Variants in LINGO2 observed in about 807,000 individuals in gnomAD.
LINGO2 encodes leucine rich repeat and Ig domain containing 2.
In LINGO2, 14 loss-of-function variants were observed where a neutral mutation model predicts 30.6. That is an observed-to-expected ratio of 0.46 (90% CI 0.30 to 0.72). The LOEUF is 0.72. Among genes scored for constraint, LINGO2 ranks in the 30% least tolerant of loss-of-function variants. LINGO2 has a pLI of 0.07. For synonymous variants in LINGO2, 317 were observed against 288.5 expected (o/e 1.10, Z -1.00); for missense variants, 729 against 751.7 (o/e 0.97, Z 0.35).
intron 1 of LINGO2, among the ~76,000 whole-genome samples, chr9:28,549,647 T>A (rs1822167466): frequency 6.6e-6 from 1 of 151,534 alleles, no homozygotes; most frequent in Admixed American, 6.6e-5. Flanking sequence ...ATTTTAGTAT[T>A]TTTTTTTACT....
intron 2 of LINGO2, among the ~76,000 whole-genome samples, chr9:28,397,221 G>C (rs1484292679): frequency 6.6e-6 from 1 of 151,910 alleles, no homozygotes; most frequent in Non-Finnish European, 1.5e-5. Context: ...GGCAGTAAAA[G>C]TAGAATAGGA....
intron 4 of LINGO2, among the ~76,000 whole-genome samples, chr9:28,293,753 G>C (rs544740883): frequency 6.6e-6 from 1 of 151,970 alleles, no homozygotes; most frequent in Admixed American, 6.6e-5. Context: ...CCAATTTTGT[G>C]GTAAATTCTG....
At chr9:28,838,812 C>T in the LINGO2 span, among the ~76,000 whole-genome samples, 21 of 152,300 alleles carry the variant, frequency 1.4e-4, no homozygotes, top group South Asian at 4.3e-3. Flanking sequence ...GGCTATGTTA[C>T]CAGCCCAGAT....
chr9:28,259,260 C>T (rs942654253), intron 4 of LINGO2, among the ~76,000 whole-genome samples: 1 of 151,852 alleles, frequency 6.6e-6, no homozygotes, highest in African/African-American at 2.4e-5. Context: ...AGGACTTACC[C>T]AGGGATAAAA....
the LINGO2 span, among the ~76,000 whole-genome samples, chr9:28,988,640 A>G: frequency 6.6e-6 from 1 of 152,206 alleles, no homozygotes; most frequent in Non-Finnish European, 1.5e-5. Flanking sequence ...TACCCACAAT[A>G]TTCCCCATGG....
intron 2 of LINGO2, among the ~76,000 whole-genome samples, chr9:28,469,102 A>G: frequency 6.6e-6 from 1 of 152,270 alleles, no homozygotes; most frequent in Middle Eastern, 3.4e-3. Flanking sequence ...ATATCGATAA[A>G]TATAGAAATC....
chr9:29,026,101 A>G, the LINGO2 span, among the ~76,000 whole-genome samples: 2 of 151,932 alleles, frequency 1.3e-5, no homozygotes, highest in South Asian at 4.2e-4. Context: ...TGGCATGATC[A>G]ACCACACTAC....
At chr9:28,713,592 G>C in the LINGO2 span, among the ~76,000 whole-genome samples, 1 of 152,210 alleles carries the variant, frequency 6.6e-6, no homozygotes, top group Admixed American at 6.5e-5. Context: ...AGGGCTTTTT[G>C]CTGTGTTCTT....
chr9:28,540,636 A>G (rs1821649201), intron 1 of LINGO2, among the ~76,000 whole-genome samples: 1 of 152,140 alleles, frequency 6.6e-6, no homozygotes, highest in African/African-American at 2.4e-5. Context: ...ATCACTCTTC[A>G]TAACAGTTTT....
chr9:28,057,225 G>A (rs1029929294), intron 4 of LINGO2, among the ~76,000 whole-genome samples: 3 of 151,698 alleles, frequency 2.0e-5, no homozygotes, highest in Non-Finnish European at 2.9e-5. Flanking sequence ...GATTTGGGCT[G>A]AAATATATTC....
chr9:28,011,381 G>A (rs879445681), intron 5 of LINGO2, among the ~76,000 whole-genome samples: 1 of 152,172 alleles, frequency 6.6e-6, no homozygotes, highest in Non-Finnish European at 1.5e-5. Flanking sequence ...TCTGCATTAG[G>A]AAATAGCAAG....
intron 1 of LINGO2, among the ~76,000 whole-genome samples, chr9:28,546,241 C>T (rs531350643): frequency 6.6e-6 from 1 of 151,892 alleles, no homozygotes; most frequent in African/African-American, 2.4e-5. Context: ...CTTTCCTCAC[C>T]CATCATAAGG....
chr9:28,505,975 C>T (rs952491233), intron 1 of LINGO2, among the ~76,000 whole-genome samples: 1 of 151,700 alleles, frequency 6.6e-6, no homozygotes, highest in Non-Finnish European at 1.5e-5. Context: ...TGTCATTGTT[C>T]TATTATATCT....
chr9:28,884,329 C>T, the LINGO2 span, among the ~76,000 whole-genome samples: 1 of 152,050 alleles, frequency 6.6e-6, no homozygotes, highest in Non-Finnish European at 1.5e-5. Context: ...TTTGATTAAC[C>T]AGTCACATCA....
intron 4 of LINGO2, among the ~76,000 whole-genome samples, chr9:28,276,615 C>T (rs1161849080): frequency 1.3e-5 from 2 of 152,160 alleles, no homozygotes; most frequent in African/African-American, 2.4e-5. Context: ...TTGGATAATA[C>T]TGATATTTCA....
the LINGO2 span, among the ~76,000 whole-genome samples, chr9:28,974,372 C>G: frequency 6.6e-6 from 1 of 152,236 alleles, no homozygotes; most frequent in East Asian, 1.9e-4. Flanking sequence ...TGCCACTGCA[C>G]TCCAGCCTGG....
chr9:28,177,401 C>G (rs920656973), intron 4 of LINGO2, among the ~76,000 whole-genome samples: 2 of 152,158 alleles, frequency 1.3e-5, no homozygotes, highest in African/African-American at 4.8e-5. Context: ...TTTACGCCTT[C>G]TGATTTCTGA....
chr9:28,357,326 C>A (rs566920454), intron 3 of LINGO2, among the ~76,000 whole-genome samples: 3 of 145,296 alleles, frequency 2.1e-5, no homozygotes, highest in South Asian at 2.3e-4. Flanking sequence ...CCCACCCCCC[C>A]CAAAAAAGAA....
chr9:28,417,544 A>C (rs1156287888), intron 2 of LINGO2, among the ~76,000 whole-genome samples: 1 of 145,174 alleles, frequency 6.9e-6, no homozygotes, highest in African/African-American at 2.4e-5. Flanking sequence ...ATTTCCCTTA[A>C]TTATGTAATA....
Sources: gnomAD v4.1 joint callset for allele counts (sites outside exome capture counted in the v4.1 genomes callset) on GRCh38, gnomAD v4.1.1 for gene constraint, MANE v1.5 for transcripts, NCBI Gene and HGNC (gene_info 2026-07-23, HGNC 2026-07-21) for gene names.